Variants in ADAMTS3 observed in about 807,000 individuals in gnomAD.
ADAMTS3 encodes ADAM metallopeptidase with thrombospondin type 1 motif 3, also known as A disintegrin and metalloproteinase with thrombospondin motifs 3.
ADAMTS3 carries 73 observed loss-of-function variants against 129.0 expected under a neutral mutation model. The observed-to-expected ratio is 0.57, with a 90% confidence interval of 0.47 to 0.69. The LOEUF (loss-of-function observed/expected upper bound fraction) is 0.69, where lower values mean the gene tolerates loss of function less well. Among genes scored for constraint, ADAMTS3 ranks in the 30% least tolerant of loss-of-function variants. The pLI, the probability that ADAMTS3 is intolerant of heterozygous loss-of-function variation, is 0.00. For synonymous variants in ADAMTS3, 477 were observed against 510.8 expected (o/e 0.93, Z 0.89); for missense variants, 1,457 against 1,514.5 (o/e 0.96, Z 0.63).
chr4:72,473,579 C>T (rs1719142376), intron 3 of ADAMTS3, among the ~76,000 whole-genome samples: 1 of 150,970 alleles, frequency 6.6e-6, no homozygotes, highest in Admixed American at 6.6e-5. Flanking sequence ...CACGGTCCTA[C>T]TACATTCACA....
chr4:72,404,093 C>T lies in ADAMTS3; in HGVS notation c.661+10722G>A, dbSNP rs545775930. Among the ~76,000 whole-genome samples, 4 of 152,196 alleles carry T rather than the reference C, an allele frequency of 2.6e-5. No individual in the cohort carries two copies. In the East Asian group the frequency reaches 5.8e-4, roughly 22 times the overall value. ...TAAAACGTCCATACTGCTTAAAATA[C>T]CCAATATGACCTACAGATTCTATGC... is the stretch of plus-strand genomic sequence containing the variant. On this transcript the variant is annotated intron_variant, in intron 4 of 21. Transcript: ENST00000286657.
At chr4:72,299,367 T>TA (rs1553904386) in intron 17 of ADAMTS3, among the ~76,000 whole-genome samples, 2 of 151,928 alleles carry the variant, frequency 1.3e-5, no homozygotes, top group South Asian at 2.1e-4. Flanking sequence ...AAAAAAAAGT[T>TA]AAAAAAAGAA....
intron 5 of ADAMTS3, among the ~76,000 whole-genome samples, chr4:72,339,158 T>G (rs887155725): frequency 6.6e-6 from 1 of 152,212 alleles, no homozygotes; most frequent in African/African-American, 2.4e-5. Context: ...TGAAAGCAGA[T>G]GGACAAAGTC....
intron 1 of ADAMTS3, among the ~76,000 whole-genome samples, chr4:72,568,330 C>T (rs1180452656): frequency 6.6e-6 from 1 of 152,158 alleles, no homozygotes; most frequent in African/African-American, 2.4e-5. Context: ...GACCCAGCGT[C>T]CAGAACTTCA....
At chr4:72,436,329 T>G (rs183615541) in intron 3 of ADAMTS3, among the ~76,000 whole-genome samples, 120 of 152,216 alleles carry the variant, frequency 7.9e-4, no homozygotes, top group Admixed American at 3.7e-3. Context: ...CCAGTTAGAA[T>G]GGCAATCATC....
At chr4:72,517,733 CT>C (rs1720531567) in intron 3 of ADAMTS3, among the ~76,000 whole-genome samples, 1 of 150,852 alleles carries the variant, frequency 6.6e-6, no homozygotes, top group Non-Finnish European at 1.5e-5. Context: ...CTCTTTTTTT[CT>C]TTATTAGTCT....
chr4:72,435,482 T>G (rs900831418), intron 3 of ADAMTS3, among the ~76,000 whole-genome samples: 4 of 151,896 alleles, frequency 2.6e-5, no homozygotes, highest in Non-Finnish European at 5.9e-5. Context: ...ACCCTGCATT[T>G]TGAAAAAATA....
chr4:72,441,098 C>A (rs767211178), intron 3 of ADAMTS3, among the ~76,000 whole-genome samples: 2 of 151,706 alleles, frequency 1.3e-5, no homozygotes, highest in African/African-American at 4.8e-5. Flanking sequence ...GCAACCACTT[C>A]CTGATTTCTA....
At chr4:72,451,828 G>A (rs1485645226) in intron 3 of ADAMTS3, among the ~76,000 whole-genome samples, 2 of 151,766 alleles carry the variant, frequency 1.3e-5, no homozygotes, top group Non-Finnish European at 2.9e-5. Context: ...CAGGCACAGT[G>A]GCTCACGCCT....
chr4:72,285,884 T>C (rs1366947263), intron 21 of ADAMTS3, among the ~76,000 whole-genome samples: 1 of 151,516 alleles, frequency 6.6e-6, no homozygotes, highest in African/African-American at 2.4e-5. Flanking sequence ...CACCCCCAAA[T>C]CATTATAAGA....
chr4:72,524,220 G>A (rs1720747767), intron 3 of ADAMTS3, among the ~76,000 whole-genome samples: 1 of 152,108 alleles, frequency 6.6e-6, no homozygotes, highest in Non-Finnish European at 1.5e-5. Flanking sequence ...AAGACAAAGA[G>A]AAGAATTATG....
At chr4:72,393,710 T>C (rs1319327441) in intron 4 of ADAMTS3, among the ~76,000 whole-genome samples, 1 of 152,206 alleles carries the variant, frequency 6.6e-6, no homozygotes, top group Non-Finnish European at 1.5e-5. Flanking sequence ...GATGTAGAGA[T>C]CACTTATATC....
intron 4 of ADAMTS3, among the ~76,000 whole-genome samples, chr4:72,345,178 A>T (rs894292874): frequency 6.6e-6 from 1 of 152,178 alleles, no homozygotes; most frequent in African/African-American, 2.4e-5. Flanking sequence ...CAATGAATAC[A>T]GAATGAGGCT....
chr4:72,374,974 A>G (rs1721101848), intron 4 of ADAMTS3, among the ~76,000 whole-genome samples: 1 of 152,198 alleles, frequency 6.6e-6, no homozygotes, highest in Admixed American at 6.5e-5. Context: ...TTCTCTTTAG[A>G]AATGCCTTCC....
intron 21 of ADAMTS3, among the ~76,000 whole-genome samples, chr4:72,287,531 C>A (rs1341456142): frequency 2.7e-5 from 4 of 149,160 alleles, no homozygotes; most frequent in African/African-American, 5.0e-5. Flanking sequence ...CAGGAAGAGG[C>A]AGGAGGAGAG....
intron 21 of ADAMTS3, 84 bp from the exon 22 acceptor site, chr4:72,283,788 T>C (rs879598211): frequency 8.1e-7 from 1 of 1,235,800 alleles, no homozygotes; most frequent in Admixed American, 2.7e-5. Flanking sequence ...TTTTAATGAA[T>C]GTAAAAAGAT....
At chr4:72,534,259 G>A (rs1035561046) in intron 3 of ADAMTS3, among the ~76,000 whole-genome samples, 2 of 151,944 alleles carry the variant, frequency 1.3e-5, no homozygotes, top group Admixed American at 6.6e-5. Context: ...CCCGGGTGGC[G>A]GAGTTTGCAG....
At chr4:72,349,430 T>C (rs889289915) in intron 4 of ADAMTS3, among the ~76,000 whole-genome samples, 7 of 152,026 alleles carry the variant, frequency 4.6e-5, no homozygotes, top group Non-Finnish European at 8.8e-5. Context: ...TATTATGATA[T>C]AAAATACTTC....
chr4:72,523,336 T>G (rs1013299305), intron 3 of ADAMTS3, among the ~76,000 whole-genome samples: 6 of 152,062 alleles, frequency 3.9e-5, no homozygotes, highest in Non-Finnish European at 5.9e-5. Context: ...TCCTTCCTGT[T>G]AACACAATTA....
Sources: gnomAD v4.1 joint callset for allele counts (sites outside exome capture counted in the v4.1 genomes callset) on GRCh38, gnomAD v4.1.1 for gene constraint, MANE v1.5 for transcripts, NCBI Gene and HGNC (gene_info 2026-07-23, HGNC 2026-07-21) for gene names.